The following COL17A1 variants were observed in gnomAD, a reference collection of about 807,000 sequenced individuals.
The protein encoded by COL17A1 is collagen type XVII alpha 1 chain.
Under a neutral mutation model 218.4 loss-of-function variants are expected in COL17A1, and 181 were observed. The observed-to-expected ratio is 0.83, with a 90% CI of 0.73 to 0.94. The LOEUF (loss-of-function observed/expected upper bound fraction) is 0.94. Among genes scored for constraint, COL17A1 ranks in the 40% least tolerant of loss-of-function variants. The pLI is 0.00. For missense variants in COL17A1, 1,924 were observed against 1,945.9 expected, an observed-to-expected ratio of 0.99 and a Z score of 0.21; for synonymous variants, 721 against 731.0, an observed-to-expected ratio of 0.99 and a Z score of 0.22.
In COL17A1 at chr10:104,045,758, C is replaced by A. The variant is rs1564675479; in HGVS notation, c.2398G>T (p.Gly800Cys). ...AAATCTCATTTGGAAATTCACTTAC[C>A]TTTTATTCCTGGTCGGCCAGGGGTA... Reference protein sequence around the residue: ...PGTPGRPGIKGEPGAPGKIVT... With the variant: ...PGTPGRPGIKCEPGAPGKIVT... The change falls in exon 33 of 56, where the codon GGT (glycine) becomes TGT (cysteine). Residue 800 changes from glycine to cysteine, a missense_variant and splice_region_variant. Coordinates refer to ENST00000648076, the MANE Select transcript of COL17A1 (RefSeq NM_000494.4). 6.2e-7 allele frequency: 1 copy of A among 1,610,892 alleles called. No individual in the cohort carries two copies. Among genetic ancestry groups the A allele is most frequent in the Non-Finnish European group, 8.5e-7 (1 of 1,177,002 alleles).
intron 24 of COL17A1, 113 bp downstream of exon 24, chr10:104,052,042 C>T (rs2086474466): frequency 1.4e-6 from 2 of 1,450,118 alleles, no homozygotes; most frequent in Non-Finnish European, 1.9e-6. Context: ...CTGCACAGGC[C>T]TGGGGCAGGG....
Position 104,062,311 on chromosome 10 carries a change from T to C in COL17A1, c.857A>G (p.Asn286Ser). ...TSSSVFGMQN[N>S]LAPSLTTLSH... is the part of the protein sequence containing the mutation. The stretch of plus-strand genomic sequence containing the variant: ...CAGGGTGGTCAAGCTGGGGGCCAGA[T>C]TGTTCTGCATGCCAAACACTGTGAA... The change falls in exon 12 of 56, where the codon AAT becomes AGT. Residue 286 changes from asparagine to serine, a missense_variant. Transcript: ENST00000648076. 2 of 1,614,178 alleles carry C rather than the reference T, an allele frequency of 1.2e-6. No homozygotes were observed. The highest frequency in any genetic ancestry group is 1.7e-6 in the Non-Finnish European group (2 of 1,180,030).
At chr10:104,056,315 G>A (rs942703391) in intron 17 of COL17A1, among the ~76,000 whole-genome samples, 17 of 152,268 alleles carry the variant, frequency 1.1e-4, no homozygotes, top group African/African-American at 2.9e-4. Context: ...AGGCGCGGTG[G>A]CTCAAGCCTG....
At chr10:104,036,056 GTA>G (rs1403928418) in intron 48 of COL17A1, among the ~76,000 whole-genome samples, 1 of 66,214 alleles carries the variant, frequency 1.5e-5, no homozygotes, top group Non-Finnish European at 3.5e-5. Flanking sequence ...AGGAGTGTGT[GTA>G]TGGGAGTATG....
At chr10:104,079,102 TGGGAAGGAA>T (rs1186359391) in intron 2 of COL17A1, among the ~76,000 whole-genome samples, 1 of 152,116 alleles carries the variant, frequency 6.6e-6, no homozygotes, top group African/African-American at 2.4e-5. Context: ...TGGGGAGTTG[TGGGAAGGAA>T]GGGTGCTCCT....
intron 32 of COL17A1, 33 bp downstream of exon 32, chr10:104,046,714 G>A (rs1331780119): frequency 2.5e-6 from 4 of 1,612,618 alleles, no homozygotes; most frequent in Non-Finnish European, 3.4e-6. Context: ...GAGAAGGTGG[G>A]AGACAGCAGG....
Position 104,077,407 on chromosome 10 carries a change from C to G in COL17A1, c.202+15G>C, listed in dbSNP as rs771213725. ...ACCCATTCTTCCCTGACCTCTTGCA[C>G]TAGTGGGCACTCACTTGAGTTTATG... On this transcript the variant is annotated intron_variant, in intron 4 of 55. Coordinates refer to ENST00000648076, the MANE Select transcript of COL17A1 (RefSeq NM_000494.4). 1 of 1,602,496 alleles carries G rather than the reference C, an allele frequency of 6.2e-7. No homozygotes were observed. The highest frequency in any genetic ancestry group is 1.7e-5 in the Admixed American group (1 of 59,466).
intron 32 of COL17A1, among the ~76,000 whole-genome samples, chr10:104,046,344 G>A (rs966865844): frequency 3.9e-5 from 6 of 152,172 alleles, no homozygotes; most frequent in African/African-American, 9.7e-5. Context: ...TAACACTGAG[G>A]CTGTCCCAGA....
At chr10:104,065,625 A>G (rs2086620003) in intron 9 of COL17A1, among the ~76,000 whole-genome samples, 1 of 152,214 alleles carries the variant, frequency 6.6e-6, no homozygotes, top group South Asian at 2.1e-4. Flanking sequence ...AACTCTACAC[A>G]TTTCCCCAGT....
rs750759099 is a variant in COL17A1, at chr10:104,034,133, G to A, written c.3968C>T (p.Ala1323Val). Residue 1323 changes from alanine (A) to valine (V), a missense_variant, in exon 52 of 56, where the codon GCA becomes GTA. By Grantham distance (64) the Ala-to-Val change is moderately conservative. Coordinates refer to ENST00000648076, the MANE Select transcript of COL17A1 (RefSeq NM_000494.4). Reference protein sequence around the residue: ...TGGGGAGSLGAGGAFGEAAGD... With the variant: ...TGGGGAGSLGVGGAFGEAAGD... The stretch of plus-strand genomic sequence containing the variant: ...TGCAGCTTCACCAAAGGCACCGCCT[G>A]CACCCAGGGAGCCTGCACCACCTCC... 1.2e-6 allele frequency: 2 copies of A among 1,613,988 alleles called. No homozygotes were observed. The highest frequency in any genetic ancestry group is 1.1e-5 in the South Asian group (1 of 91,066).
chr10:104,037,045 G>T lies in COL17A1; in HGVS notation c.3277C>A (p.Arg1093=). 1 of 1,604,394 alleles carries T rather than the reference G, an allele frequency of 6.2e-7. No individual in the cohort carries two copies. ...CTCGATCCCCCCACAGGTGACTCACGCTGCAGCACAGCCAGAATGTCTTCA... is the reference window on the plus strand; with the variant it reads ...CTCGATCCCCCCACAGGTGACTCACTCTGCAGCACAGCCAGAATGTCTTCA... ...SSEDILAVLQ[R]DDVRQYLRQY... Residue 1093 remains arginine (R), a splice_region_variant and synonymous_variant, in exon 47 of 56, where the codon CGG becomes AGG. Transcript: ENST00000648076.
At chr10:104,052,345 G>A in intron 23 of COL17A1, 128 bp from the exon 24 acceptor site, 1 of 1,210,770 alleles carries the variant, frequency 8.3e-7, no homozygotes, top group Admixed American at 1.7e-5. Flanking sequence ...TGGTGCCCCA[G>A]TGAGGCCACT....
chr10:104,032,842 T>C, intron 54 of COL17A1, 64 bp downstream of exon 54: 22 of 1,611,550 alleles, frequency 1.4e-5, no homozygotes, highest in Non-Finnish European at 1.9e-5. Context: ...GCACAGGAGC[T>C]GCTTTTCAGT....
At chr10:104,032,327 T>C (rs370488594) in intron 55 of COL17A1, 37 bp from the exon 56 acceptor site, 31 of 1,583,056 alleles carry the variant, frequency 2.0e-5, no homozygotes, top group East Asian at 4.5e-5. Context: ...TTAAAACATA[T>C]CTTGTGGCCT....
chr10:104,036,010 GTGTA>G (rs1188968758), intron 48 of COL17A1, among the ~76,000 whole-genome samples: 48 of 149,518 alleles, frequency 3.2e-4, no homozygotes, highest in African/African-American at 1.2e-3. Context: ...ATATGTGAGT[GTGTA>G]TGGGTGTGTC....
intron 25 of COL17A1, 69 bp downstream of exon 25, chr10:104,051,412 G>A (rs1589565580): frequency 6.4e-7 from 1 of 1,570,454 alleles, no homozygotes; most frequent in East Asian, 2.2e-5. Context: ...AAAAATATTT[G>A]GTTTTCCTTT....
chr10:104,057,974 G>T (rs2086547019), intron 16 of COL17A1, among the ~76,000 whole-genome samples, 172 bp downstream of exon 16: 1 of 152,178 alleles, frequency 6.6e-6, no homozygotes, highest in Non-Finnish European at 1.5e-5. Context: ...CCCACAGCCT[G>T]CCACTCCCCT....
intron 16 of COL17A1, among the ~76,000 whole-genome samples, chr10:104,057,815 A>C (rs1460578016): frequency 6.6e-6 from 1 of 152,068 alleles, no homozygotes; most frequent in Non-Finnish European, 1.5e-5. Context: ...TGCATGGCTT[A>C]GTCTCTTCTT....
Position 104,070,581 on chromosome 10 carries a change from T to C in COL17A1, c.464-12A>G, listed in dbSNP as rs2086661114. On this transcript the variant is annotated splice_polypyrimidine_tract_variant and intron_variant, in intron 8 of 55. Transcript: ENST00000648076. ...ATCCAATTCTGTCCCTGTGAAAGAA[T>C]CCACAGACGTTTCTGTTAAGTCCAG... 1 of 1,614,098 alleles carries C rather than the reference T, an allele frequency of 6.2e-7. No individual in the cohort carries two copies. The highest frequency in any genetic ancestry group is 8.5e-7 in the Non-Finnish European group (1 of 1,180,040).
Sources: gnomAD v4.1 joint callset for allele counts (sites outside exome capture counted in the v4.1 genomes callset) on GRCh38, gnomAD v4.1.1 for gene constraint, MANE v1.5 for transcripts, NCBI Gene and HGNC (gene_info 2026-07-23, HGNC 2026-07-21) for gene names.